Variants in FAM3B observed in about 807,000 individuals in gnomAD.
FAM3B encodes FAM3 metabolism regulating signaling molecule B, also known as protein FAM3B.
A neutral mutation model predicts 28.4 loss-of-function variants in FAM3B; 29 were observed. That is an observed-to-expected ratio of 1.02 (90% CI 0.76 to 1.39). The LOEUF is 1.39. Among genes scored for constraint, FAM3B ranks in the 40% most tolerant of loss-of-function variants. The probability of loss-of-function intolerance (pLI) is 0.00; values close to 1 mark genes in which losing one functional copy is unlikely to be tolerated. For missense variants in FAM3B, 266 were observed against 293.9 expected (o/e 0.91, Z 0.69); for synonymous variants, 91 against 103.0 (o/e 0.88, Z 0.71).
chr21:41,304,303 G>C, exon 1 of FAM3B: 1 of 456,172 alleles, frequency 2.2e-6, no homozygotes, highest in Middle Eastern at 3.3e-4. Flanking sequence ...GCAGGAGCCC[G>C]AGACTGGGTG....
At chr21:41,316,787 T>C, upstream of FAM3B, 7 of 1,293,476 alleles carry the variant, frequency 5.4e-6, no homozygotes, top group South Asian at 1.2e-4. Flanking sequence ...ACACGACCGC[T>C]GCCCGCCCCT....
chr21:41,310,076 C>G (rs1272946323), intron 1 of FAM3B, among the ~76,000 whole-genome samples: 2 of 152,174 alleles, frequency 1.3e-5, no homozygotes, highest in Non-Finnish European at 1.5e-5. Flanking sequence ...AGCTATGATT[C>G]AGGAAGGAGG....
At chr21:41,345,841 A>AT (rs2089053855) in intron 5 of FAM3B, 105 bp downstream of exon 5, 1 of 733,556 alleles carries the variant, frequency 1.4e-6, no homozygotes, top group Non-Finnish European at 2.4e-6. Context: ...TCTACTAGAA[A>AT]AACGCCAGCA....
At chr21:41,334,836 G>A (rs1214813774) in intron 2 of FAM3B, among the ~76,000 whole-genome samples, 2 of 152,228 alleles carry the variant, frequency 1.3e-5, no homozygotes, top group African/African-American at 4.8e-5. Context: ...CTTAATGCCA[G>A]TTTGTGAGAA....
At chr21:41,311,296 A>G (rs1288151608) in intron 1 of FAM3B, among the ~76,000 whole-genome samples, 3,560 of 95,702 alleles carry the variant, frequency 0.037, 389 homozygotes, top group African/African-American at 0.13. Context: ...ATATATATAT[A>G]TGTATATATA....
chr21:41,337,319 T>C (rs1031645348), intron 2 of FAM3B, among the ~76,000 whole-genome samples: 4 of 152,196 alleles, frequency 2.6e-5, no homozygotes, highest in Admixed American at 1.3e-4. Flanking sequence ...TGGGTGATGA[T>C]AGACAACTAC....
intron 7 of FAM3B, among the ~76,000 whole-genome samples, chr21:41,353,107 C>T (rs773009956): frequency 9.9e-5 from 15 of 152,040 alleles, no homozygotes; most frequent in South Asian, 6.2e-4. Flanking sequence ...ATAAAGTTAA[C>T]GTAGGAGATG....
At chr21:41,344,394 A>G in intron 3 of FAM3B, 82 bp from the exon 4 acceptor site, 1 of 1,296,074 alleles carries the variant, frequency 7.7e-7, no homozygotes. Context: ...GATGAGACTG[A>G]CATTTGGTCA....
At chr21:41,332,827 TC>T (rs2088918373) in intron 2 of FAM3B, among the ~76,000 whole-genome samples, 1 of 152,194 alleles carries the variant, frequency 6.6e-6, no homozygotes. Flanking sequence ...GTCTTCTCTT[TC>T]TTTTTTTCTC....
At chr21:41,355,443 A>G (rs2145837207) in intron 7 of FAM3B, among the ~76,000 whole-genome samples, 1 of 152,368 alleles carries the variant, frequency 6.6e-6, no homozygotes, top group Admixed American at 6.5e-5. Flanking sequence ...AATGGGTAAG[A>G]AATGTATATA....
In FAM3B at chr21:41,322,074, C is replaced by T. The variant is rs7277863; in HGVS notation, c.20-849C>T. ...TCCTACTCAGGGCCTGTGGTTATCC[C>T]TGCATCGTAGCAATCTGGGTAAGCA... On this transcript the variant is annotated intron_variant, in intron 1 of 7. Coordinates refer to ENST00000357985, the MANE Select transcript of FAM3B (RefSeq NM_058186.4). Among the ~76,000 whole-genome samples, 302 of 152,274 alleles carry T rather than the reference C, an allele frequency of 2.0e-3. 1 individual carries two copies. The highest frequency in any genetic ancestry group is 6.4e-3 in the African/African-American group (268 of 41,558).
upstream of FAM3B, among the ~76,000 whole-genome samples, chr21:41,315,975 C>A (rs2088745822): frequency 6.6e-6 from 1 of 152,164 alleles, no homozygotes; most frequent in Non-Finnish European, 1.5e-5. Flanking sequence ...GACCCTGCTT[C>A]CCTGGAGCTC....
chr21:41,323,557 G>A (rs1227935291), intron 2 of FAM3B, among the ~76,000 whole-genome samples: 1 of 152,238 alleles, frequency 6.6e-6, no homozygotes, highest in Non-Finnish European at 1.5e-5. Flanking sequence ...GCTCTCTGTA[G>A]GGCGGCTGCT....
intron 1 of FAM3B, among the ~76,000 whole-genome samples, chr21:41,310,432 G>T (rs753564584): frequency 6.6e-6 from 1 of 152,092 alleles, no homozygotes; most frequent in Admixed American, 6.6e-5. Context: ...CTGGATCTTT[G>T]CACTAGAATG....
intron 2 of FAM3B, among the ~76,000 whole-genome samples, chr21:41,336,857 T>A (rs1201695632): frequency 6.6e-6 from 1 of 152,252 alleles, no homozygotes; most frequent in Non-Finnish European, 1.5e-5. Context: ...AAAGTTTGAC[T>A]TGAAGTCTAT....
chr21:41,311,593 A>C (rs1601344313), intron 1 of FAM3B, among the ~76,000 whole-genome samples: 1 of 152,282 alleles, frequency 6.6e-6, no homozygotes, highest in Admixed American at 6.5e-5. Context: ...AAAACAAAAT[A>C]TCTAGTGAGA....
At chr21:41,311,539 TAACATA>T (rs1225376118) in intron 1 of FAM3B, among the ~76,000 whole-genome samples, 2 of 151,912 alleles carry the variant, frequency 1.3e-5, no homozygotes, top group Admixed American at 6.6e-5. Flanking sequence ...CATTGCCTGT[TAACATA>T]AACATAAATA....
At chr21:41,336,319 C>A (rs890178532) in intron 2 of FAM3B, among the ~76,000 whole-genome samples, 3 of 152,188 alleles carry the variant, frequency 2.0e-5, no homozygotes, top group Admixed American at 1.3e-4. Context: ...GTCAAGAGTT[C>A]AAGACCAGCT....
chr21:41,339,779 C>T (rs2088987350), intron 3 of FAM3B, among the ~76,000 whole-genome samples: 2 of 152,132 alleles, frequency 1.3e-5, no homozygotes, highest in African/African-American at 4.8e-5. Flanking sequence ...CTATATTAAT[C>T]AAGGCTCTCC....
Sources: allele counts gnomAD v4.1 joint callset (sites outside exome capture counted in the v4.1 genomes callset), GRCh38; gene constraint gnomAD v4.1.1; transcripts MANE v1.5; gene names NCBI Gene and HGNC (gene_info 2026-07-23, HGNC 2026-07-21).